POU6F2: variants seen among roughly 807,000 people sequenced by gnomAD.
POU6F2 encodes POU domain, class 6, transcription factor 2.
A neutral mutation model predicts 71.3 loss-of-function variants in POU6F2; 31 were observed. The ratio of observed to expected loss-of-function variants is 0.43; its 90% CI spans 0.33 to 0.59. POU6F2 has a LOEUF of 0.59. Ranked by LOEUF, POU6F2 falls within the 20% of genes least tolerant of loss-of-function variation. The pLI is 0.04. For synonymous variants in POU6F2, 347 were observed against 355.7 expected, an observed-to-expected ratio of 0.98 and a Z score of 0.27; for missense variants, 783 against 856.8, an observed-to-expected ratio of 0.91 and a Z score of 1.07.
intron 4 of POU6F2, among the ~76,000 whole-genome samples, chr7:39,270,762 A>G (rs532665944): frequency 1.3e-5 from 2 of 152,246 alleles, no homozygotes; most frequent in African/African-American, 4.8e-5. Flanking sequence ...ATTAGCTTAC[A>G]CATCTCTAGA....
intron 2 of POU6F2, among the ~76,000 whole-genome samples, chr7:39,117,613 C>T (rs1791958078): frequency 6.6e-6 from 1 of 152,156 alleles, no homozygotes; most frequent in Non-Finnish European, 1.5e-5. Context: ...TGAGCCCTTA[C>T]TGCAGGCAGG....
chr7:39,026,057 C>T (rs1304435758), intron 1 of POU6F2, among the ~76,000 whole-genome samples: 1 of 152,208 alleles, frequency 6.6e-6, no homozygotes, highest in Non-Finnish European at 1.5e-5. Flanking sequence ...GAGATACCAT[C>T]TCATGCCAGT....
chr7:39,142,253 C>G (rs1012193106), intron 2 of POU6F2, among the ~76,000 whole-genome samples: 2 of 152,196 alleles, frequency 1.3e-5, no homozygotes, highest in South Asian at 4.1e-4. Flanking sequence ...TGGCTGGCAG[C>G]TGCACTGTGC....
intron 2 of POU6F2, among the ~76,000 whole-genome samples, chr7:39,104,701 G>A (rs1791641117): frequency 6.6e-6 from 1 of 152,152 alleles, no homozygotes. Context: ...TTGAGAAGAG[G>A]GGAATTAAAC....
At chr7:39,450,549 G>A (rs1055417632) in intron 7 of POU6F2, among the ~76,000 whole-genome samples, 16 of 151,924 alleles carry the variant, frequency 1.1e-4, no homozygotes, top group Admixed American at 2.0e-4. Flanking sequence ...TCCCTCTCTC[G>A]TTTCTCTCCT....
rs975587235 is a variant in POU6F2 at position 38,978,925 on chromosome 7, T to A, written c.105+867T>A. Among the ~76,000 whole-genome samples, 21 of 152,324 alleles carry A rather than the reference T, an allele frequency of 1.4e-4. No homozygotes were observed. The South Asian group carries it at 1.9e-3, about 14-fold the overall frequency. On this transcript the variant is annotated intron_variant, in intron 1 of 9. Transcript: ENST00000518318. Reference sequence around the variant, plus strand: ...GTAGTTTATGTTTGTGTTAAAATGTTTGCGTTGTAAGCTAAATCAGAAAAC... The same window carrying A: ...GTAGTTTATGTTTGTGTTAAAATGTATGCGTTGTAAGCTAAATCAGAAAAC...
At chr7:39,344,662 C>A (rs530704207) in intron 5 of POU6F2, among the ~76,000 whole-genome samples, 1 of 151,968 alleles carries the variant, frequency 6.6e-6, no homozygotes, top group Non-Finnish European at 1.5e-5. Flanking sequence ...CCCCCCCCAG[C>A]AATTAGTCTT....
At position 39,464,167 on chromosome 7, in the gene POU6F2, A is replaced by G. The variant is rs1789013620; in HGVS notation, c.1659-15A>G. On this transcript the variant is annotated splice_polypyrimidine_tract_variant and intron_variant, in intron 9 of 9. Transcript: ENST00000518318. This position sits in a 1 kb window ranked among gnomAD's most constrained non-coding sequence, Gnocchi z 4.1. ...ACTCAGTGTAAGACTGTTCTTTCTC[A>G]ATTTTCCCCCCCAGACACACCATCC... is the stretch of plus-strand genomic sequence containing the variant. The G allele has an allele frequency of 6.2e-7, 1 of 1,610,502 alleles. No individual in the cohort carries two copies. Among genetic ancestry groups the G allele is most frequent in the Non-Finnish European group, 8.5e-7 (1 of 1,177,836 alleles).
intron 4 of POU6F2, among the ~76,000 whole-genome samples, chr7:39,265,632 C>T (rs1443179033): frequency 6.6e-6 from 1 of 152,174 alleles, no homozygotes; most frequent in African/African-American, 2.4e-5. Context: ...TTTCCCCAAC[C>T]TGGTACCGCC....
intron 1 of POU6F2, among the ~76,000 whole-genome samples, chr7:39,059,905 G>A (rs951671179): frequency 1.3e-5 from 2 of 152,114 alleles, no homozygotes; most frequent in African/African-American, 4.8e-5. Context: ...AAAACATTGT[G>A]CTAAGTTAAA....
intron 8 of POU6F2, among the ~76,000 whole-genome samples, chr7:39,451,977 G>A (rs999174585): frequency 6.6e-6 from 1 of 152,200 alleles, no homozygotes; most frequent in South Asian, 2.1e-4. Flanking sequence ...TGCTGAGTCA[G>A]TCCTGCCACT....
At chr7:39,160,564 T>A (rs1396777896) in intron 2 of POU6F2, among the ~76,000 whole-genome samples, 1 of 152,212 alleles carries the variant, frequency 6.6e-6, no homozygotes, top group African/African-American at 2.4e-5. Context: ...TTGTAACTGA[T>A]ATTCATCTAA....
intron 1 of POU6F2, among the ~76,000 whole-genome samples, chr7:39,022,694 T>TC (rs1309683395): frequency 4.6e-5 from 7 of 152,064 alleles, no homozygotes; most frequent in Non-Finnish European, 7.4e-5. Flanking sequence ...ATTGGGACTT[T>TC]CCCCCGCTTT....
chr7:39,290,692 C>T, intron 4 of POU6F2, among the ~76,000 whole-genome samples: 1 of 152,152 alleles, frequency 6.6e-6, no homozygotes, highest in East Asian at 1.9e-4. Context: ...TCTTACAAAT[C>T]CAGCTATGCC....
At chr7:39,459,250 G>A (rs1245116162) in intron 8 of POU6F2, among the ~76,000 whole-genome samples, 1 of 152,150 alleles carries the variant, frequency 6.6e-6, no homozygotes, top group African/African-American at 2.4e-5. Flanking sequence ...TGTCGTTGTT[G>A]TTTTAATGTG....
intron 7 of POU6F2, among the ~76,000 whole-genome samples, chr7:39,441,912 A>T (rs1788415278): frequency 6.6e-6 from 1 of 152,256 alleles, no homozygotes; most frequent in Non-Finnish European, 1.5e-5. Context: ...GAAGTCAGAA[A>T]GCTGTATAAT....
chr7:39,150,441 A>G (rs1469301155), intron 2 of POU6F2, among the ~76,000 whole-genome samples: 2 of 147,876 alleles, frequency 1.4e-5, no homozygotes, highest in African/African-American at 5.0e-5. Context: ...ACTGTTTTGT[A>G]TAACAGCTGT....
chr7:39,081,197 G>A (rs886454170), intron 1 of POU6F2, among the ~76,000 whole-genome samples: 1 of 152,206 alleles, frequency 6.6e-6, no homozygotes, highest in Non-Finnish European at 1.5e-5. Flanking sequence ...TTGTTAGAAT[G>A]TGAGAAGCAC....
intron 1 of POU6F2, among the ~76,000 whole-genome samples, chr7:38,996,873 C>T (rs1245010150): frequency 6.6e-6 from 1 of 152,166 alleles, no homozygotes; most frequent in Non-Finnish European, 1.5e-5. Flanking sequence ...ACTCCCCCCA[C>T]CTTTAATGAA....
Sources: allele counts gnomAD v4.1 joint callset (sites outside exome capture counted in the v4.1 genomes callset), GRCh38; gene constraint gnomAD v4.1.1; non-coding constraint Gnocchi (gnomAD v3.1); transcripts MANE v1.5; gene names NCBI Gene and HGNC (gene_info 2026-07-23, HGNC 2026-07-21).